The following KLF8 variants were observed in gnomAD, a reference collection of about 807,000 sequenced individuals.
KLF8 encodes Krueppel-like factor 8.
In KLF8, 10 loss-of-function variants were observed where a neutral mutation model predicts 18.2. That is an observed-to-expected ratio of 0.55 (90% CI 0.34 to 0.93). The LOEUF (loss-of-function observed/expected upper bound fraction) is 0.93. Among genes scored for constraint, KLF8 ranks in the 40% least tolerant of loss-of-function variants. The pLI, the probability that KLF8 is intolerant of heterozygous loss-of-function variation, is 0.02. For missense variants in KLF8, 264 were observed against 277.9 expected (o/e 0.95, Z 0.36); for synonymous variants, 109 against 97.3 (o/e 1.12, Z -0.71).
upstream of KLF8, among the ~76,000 whole-genome samples, chrX:56,228,881 G>A (rs1398648114): frequency 9.0e-6 from 1 of 111,549 alleles, no homozygotes; most frequent in Non-Finnish European, 1.9e-5. Context: ...CATTTTTGTT[G>A]TTCCACAAAC....
At chrX:56,119,692 G>A in the KLF8 span, among the ~76,000 whole-genome samples, 8 of 109,789 alleles carry the variant, frequency 7.3e-5, no homozygotes, top group Non-Finnish European at 1.1e-4. Context: ...GAGCCACCGC[G>A]CCTGGCCTAT....
chrX:56,050,081 G>T, the KLF8 span, among the ~76,000 whole-genome samples: 4 of 110,298 alleles, frequency 3.6e-5, no homozygotes, highest in African/African-American at 9.9e-5. Flanking sequence ...TTCTCTGATG[G>T]TAGTTTGTAT....
chrX:56,194,567 T>A, the KLF8 span, among the ~76,000 whole-genome samples: 1 of 112,551 alleles, frequency 8.9e-6, no homozygotes, highest in East Asian at 2.8e-4. Context: ...ATGCTCGAAC[T>A]GGGCAGAGCC....
the KLF8 span, among the ~76,000 whole-genome samples, chrX:56,054,106 T>G: frequency 9.5e-6 from 1 of 105,777 alleles, no homozygotes; most frequent in Non-Finnish European, 1.9e-5. Context: ...TAAATTGAGA[T>G]CTTTCTTTTT....
At position 56,270,347 on chromosome X, in the gene KLF8, AACACAC is replaced by A. The variant is rs370151924; in HGVS notation, c.898+55_898+60del. 3.4e-3 allele frequency: 2,187 copies of A among 646,607 alleles called. 22 individuals are homozygous for A. The highest frequency in any genetic ancestry group is 0.021 in the African/African-American group (728 of 35,457). The allele number at this position is 646,607 out of a possible 1,213,427, so 53.3% of individuals were successfully genotyped here. A position where few individuals can be genotyped will look rare whatever the true frequency, so the allele number is the denominator to read the frequency against. Reference sequence around the variant, plus strand: ...GTCTGCCCACTCCCATCTCACCCCCAACACACACACACACACACACACACACACACA... The same window carrying A: ...GTCTGCCCACTCCCATCTCACCCCCAACACACACACACACACACACACACA... On this transcript the variant is annotated intron_variant, in intron 5 of 5. Coordinates refer to ENST00000468660, the MANE Select transcript of KLF8 (RefSeq NM_007250.5).
At chrX:56,094,849 C>T in the KLF8 span, among the ~76,000 whole-genome samples, 1 of 111,161 alleles carries the variant, frequency 9.0e-6, no homozygotes, top group Non-Finnish European at 1.9e-5. Flanking sequence ...TTTTAAGTAA[C>T]ATATAGGTCA....
At chrX:56,138,952 T>C in the KLF8 span, among the ~76,000 whole-genome samples, 1 of 111,258 alleles carries the variant, frequency 9.0e-6, no homozygotes, top group Non-Finnish European at 1.9e-5. Flanking sequence ...CTACGTCTTA[T>C]AAACAACTTC....
the KLF8 span, among the ~76,000 whole-genome samples, chrX:56,071,817 T>G: frequency 6.5e-4 from 73 of 111,987 alleles, no homozygotes; most frequent in Admixed American, 6.0e-3. Flanking sequence ...AGGTAAGAGT[T>G]TTGAAAATGT....
the KLF8 span, among the ~76,000 whole-genome samples, chrX:55,963,029 T>C: frequency 3.1e-4 from 35 of 112,356 alleles, no homozygotes; most frequent in Admixed American, 3.2e-3. Flanking sequence ...ATAAAAGATG[T>C]TGTTTTCTGT....
intron 1 of KLF8, among the ~76,000 whole-genome samples, chrX:56,244,096 C>T (rs900598737): frequency 1.1e-4 from 12 of 112,498 alleles, no homozygotes; most frequent in Admixed American, 3.7e-4. Context: ...TGTCTCCAGA[C>T]TACTGAGGTT....
chrX:55,946,520 A>C, the KLF8 span, among the ~76,000 whole-genome samples: 1 of 112,019 alleles, frequency 8.9e-6, no homozygotes, highest in Non-Finnish European at 1.9e-5. Context: ...TTAGACCTCA[A>C]ACCATAAAAA....
the KLF8 span, among the ~76,000 whole-genome samples, chrX:55,982,018 G>A: frequency 9.0e-6 from 1 of 110,599 alleles, no homozygotes; most frequent in Non-Finnish European, 1.9e-5. Context: ...AGCAAGAAGG[G>A]CCATAATGGA....
the KLF8 span, among the ~76,000 whole-genome samples, chrX:56,082,848 T>C: frequency 1.1e-4 from 12 of 111,863 alleles, no homozygotes; most frequent in Non-Finnish European, 2.3e-4. Context: ...AGCACCTAAA[T>C]ATATCATTTT....
chrX:56,062,155 C>T, the KLF8 span, among the ~76,000 whole-genome samples: 6 of 109,083 alleles, frequency 5.5e-5, no homozygotes, highest in Non-Finnish European at 7.6e-5. Flanking sequence ...GCATTCAGCC[C>T]GTTTACTTTT....
In KLF8 at chrX:56,269,600, A is replaced by C. The variant is rs775517257; in HGVS notation, c.758+111A>C. 1.6e-5 allele frequency: 16 copies of C among 1,024,118 alleles called. No individual in the cohort carries two copies. In the African/African-American group the frequency reaches 2.3e-4, roughly 15 times the overall value. The allele number at this position is 1,024,118 out of a possible 1,213,427, so 84.4% of individuals were successfully genotyped here. A position where few individuals can be genotyped will look rare whatever the true frequency, so the allele number is the denominator to read the frequency against. ...CTAATGATCAGACACAAGAGTAAGA[A>C]TTTGAGGACAAGAAATATAGGGAGA... On this transcript the variant is annotated intron_variant, in intron 4 of 5. Coordinates refer to ENST00000468660, the MANE Select transcript of KLF8 (RefSeq NM_007250.5).
the KLF8 span, among the ~76,000 whole-genome samples, chrX:56,133,905 C>A: frequency 1.2e-5 from 1 of 82,951 alleles, no homozygotes; most frequent in South Asian, 6.5e-4. Context: ...AGAACTGAAC[C>A]CCTTTTACAA....
At chrX:55,977,529 A>G in the KLF8 span, among the ~76,000 whole-genome samples, 2 of 110,372 alleles carry the variant, frequency 1.8e-5, no homozygotes, top group Non-Finnish European at 3.8e-5. Flanking sequence ...CAAAAGTGCT[A>G]TAATCTCTCA....
At chrX:56,027,480 A>G in the KLF8 span, among the ~76,000 whole-genome samples, 3 of 112,253 alleles carry the variant, frequency 2.7e-5, no homozygotes, top group South Asian at 1.1e-3. Context: ...ATGTACTTGA[A>G]GGGTTAGAAA....
At chrX:56,182,926 C>T in the KLF8 span, among the ~76,000 whole-genome samples, 1 of 112,390 alleles carries the variant, frequency 8.9e-6, no homozygotes, top group African/African-American at 3.2e-5. Context: ...CAGGGACCCA[C>T]TTGAGGAGGC....
Sources: allele counts gnomAD v4.1 joint callset (sites outside exome capture counted in the v4.1 genomes callset), GRCh38; gene constraint gnomAD v4.1.1; transcripts MANE v1.5; gene names NCBI Gene and HGNC (gene_info 2026-07-23, HGNC 2026-07-21).